The following STK39 variants were observed in gnomAD, a reference collection of about 807,000 sequenced individuals.
STK39 encodes the protein STE20/SPS1-related proline-alanine-rich protein kinase.
Under a neutral mutation model 77.8 loss-of-function variants are expected in STK39, and 20 were observed. The observed-to-expected ratio is 0.26, with a 90% confidence interval of 0.18 to 0.37. The LOEUF (loss-of-function observed/expected upper bound fraction) is 0.37, where lower values mean the gene tolerates loss of function less well. Among genes scored for constraint, STK39 ranks in the 10% least tolerant of loss-of-function variants. STK39 has a pLI of 1.00. For missense variants in STK39, 479 were observed against 656.5 expected (o/e 0.73, Z 2.95); for synonymous variants, 246 against 234.1 (o/e 1.05, Z -0.47).
At chr2:167,998,577 A>C (rs2105293460) in intron 16 of STK39, among the ~76,000 whole-genome samples, 1 of 152,256 alleles carries the variant, frequency 6.6e-6, no homozygotes, top group Non-Finnish European at 1.5e-5. Flanking sequence ...TTGGTTACCA[A>C]TTAATATAAA....
chr2:168,167,528 C>T, intron 2 of STK39, 121 bp from the exon 3 acceptor site: 1 of 752,822 alleles, frequency 1.3e-6, no homozygotes, highest in Admixed American at 2.4e-5. Context: ...TGAGGGGCTG[C>T]CTAAGCCATT....
intron 14 of STK39, among the ~76,000 whole-genome samples, chr2:168,037,321 C>T (rs931741380): frequency 6.6e-6 from 1 of 152,146 alleles, no homozygotes; most frequent in African/African-American, 2.4e-5. Context: ...ATAATTCAGT[C>T]TATTAGAGCT....
chr2:168,023,924 C>T (rs1684634653), intron 14 of STK39, among the ~76,000 whole-genome samples: 1 of 152,154 alleles, frequency 6.6e-6, no homozygotes, highest in Non-Finnish European at 1.5e-5. Context: ...TCATCAACAG[C>T]CCTCTTCTTC....
chr2:168,032,757 T>C (rs189655752), intron 14 of STK39, among the ~76,000 whole-genome samples: 1 of 152,302 alleles, frequency 6.6e-6, no homozygotes, highest in Non-Finnish European at 1.5e-5. Context: ...ACAGTGCCCC[T>C]GCGACTGGAG....
chr2:168,038,094 A>T (rs1685004940), intron 14 of STK39, among the ~76,000 whole-genome samples: 1 of 152,186 alleles, frequency 6.6e-6, no homozygotes, highest in African/African-American at 2.4e-5. Context: ...CATTTGGAGA[A>T]ATGTTACCTA....
At chr2:168,217,640 A>G (rs1021337252) in intron 1 of STK39, among the ~76,000 whole-genome samples, 20 of 152,230 alleles carry the variant, frequency 1.3e-4, no homozygotes, top group African/African-American at 4.3e-4. Context: ...TAACCTATGC[A>G]TATCTTCCTG....
intron 1 of STK39, among the ~76,000 whole-genome samples, chr2:168,236,300 T>C (rs1690606055): frequency 1.3e-5 from 2 of 152,162 alleles, no homozygotes. Flanking sequence ...TTTGATGGGG[T>C]TGTTTTTTTC....
chr2:167,996,176 T>C (rs573130917), intron 16 of STK39, among the ~76,000 whole-genome samples: 26 of 152,304 alleles, frequency 1.7e-4, no homozygotes, highest in Middle Eastern at 3.4e-3. Flanking sequence ...AGCTTAAATT[T>C]AATCTTTTAA....
At chr2:168,140,208 T>G (rs1362839142) in intron 7 of STK39, 81 bp downstream of exon 7, 6 of 1,179,816 alleles carry the variant, frequency 5.1e-6, no homozygotes, top group African/African-American at 1.5e-5. Context: ...AAGAGAAGAA[T>G]GAAGATGTTG....
At chr2:168,048,610 C>A (rs1685312982) in intron 14 of STK39, among the ~76,000 whole-genome samples, 1 of 152,116 alleles carries the variant, frequency 6.6e-6, no homozygotes, top group Non-Finnish European at 1.5e-5. Flanking sequence ...CATCTGCAGG[C>A]CCCAGGGACA....
chr2:168,188,259 G>T (rs1397861013), intron 1 of STK39, among the ~76,000 whole-genome samples: 1 of 152,158 alleles, frequency 6.6e-6, no homozygotes, highest in Non-Finnish European at 1.5e-5. Flanking sequence ...GGCCAGGAGA[G>T]GACTTGGATG....
intron 1 of STK39, among the ~76,000 whole-genome samples, chr2:168,224,932 GA>G (rs1277200970): frequency 6.6e-6 from 1 of 152,198 alleles, no homozygotes; most frequent in Non-Finnish European, 1.5e-5. Flanking sequence ...CAAGTGATCT[GA>G]AACTAAGACA....
intron 10 of STK39, among the ~76,000 whole-genome samples, chr2:168,081,191 C>T (rs886466794): frequency 2.6e-5 from 4 of 152,088 alleles, no homozygotes; most frequent in Non-Finnish European, 2.9e-5. Flanking sequence ...GCACCATGGG[C>T]CTGGAAAAGC....
intron 1 of STK39, among the ~76,000 whole-genome samples, chr2:168,228,542 G>A (rs1036778240): frequency 2.0e-5 from 3 of 152,140 alleles, no homozygotes; most frequent in African/African-American, 7.2e-5. Flanking sequence ...TGTAATCCCA[G>A]CACTTTGGGA....
intron 14 of STK39, among the ~76,000 whole-genome samples, chr2:168,035,706 G>T (rs1684934901): frequency 6.6e-6 from 1 of 152,184 alleles, no homozygotes; most frequent in Admixed American, 6.5e-5. Context: ...GTAAGGTTAT[G>T]ATCAATCATG....
intron 1 of STK39, among the ~76,000 whole-genome samples, chr2:168,198,936 C>T (rs1689542710): frequency 6.6e-6 from 1 of 152,182 alleles, no homozygotes; most frequent in African/African-American, 2.4e-5. Flanking sequence ...CTAAAGGTGT[C>T]TTTCATTTAA....
At chr2:168,090,968 T>A (rs763387109) in intron 10 of STK39, among the ~76,000 whole-genome samples, 6 of 152,176 alleles carry the variant, frequency 3.9e-5, no homozygotes, top group Non-Finnish European at 8.8e-5. Flanking sequence ...TCAAAATAGA[T>A]GGGCCCATCT....
intron 10 of STK39, among the ~76,000 whole-genome samples, chr2:168,102,965 C>G (rs1360237572): frequency 7.0e-6 from 1 of 143,536 alleles, no homozygotes; most frequent in East Asian, 2.2e-4. Flanking sequence ...AATCTCTTCT[C>G]TGGGTGAATT....
intron 5 of STK39, among the ~76,000 whole-genome samples, chr2:168,143,237 G>A (rs1019419369): frequency 6.6e-6 from 1 of 152,108 alleles, no homozygotes; most frequent in African/African-American, 2.4e-5. Context: ...TAACAAAAAG[G>A]GTCTAAGACC....
Sources: gnomAD v4.1 joint callset for allele counts (sites outside exome capture counted in the v4.1 genomes callset) on GRCh38, gnomAD v4.1.1 for gene constraint, MANE v1.5 for transcripts, NCBI Gene and HGNC (gene_info 2026-07-23, HGNC 2026-07-21) for gene names.